The following PRDM16 variants were observed in gnomAD, a reference collection of about 807,000 sequenced individuals.
PRDM16 encodes the protein PR/SET domain 16, also known as histone-lysine N-methyltransferase PRDM16.
PRDM16 carries 23 observed loss-of-function variants against 110.6 expected under a neutral mutation model. The observed-to-expected ratio is 0.21, with a 90% CI of 0.15 to 0.29. The LOEUF is 0.29. Ranked by LOEUF, PRDM16 falls within the 10% of genes least tolerant of loss-of-function variation. The pLI is 1.00. For missense variants in PRDM16, 1,615 were observed against 1,794.3 expected, an observed-to-expected ratio of 0.90 and a Z score of 1.81; for synonymous variants, 799 against 781.8, an observed-to-expected ratio of 1.02 and a Z score of -0.37.
chr1:3,147,883 C>A (rs528355850), intron 1 of PRDM16, among the ~76,000 whole-genome samples: 1 of 152,266 alleles, frequency 6.6e-6, no homozygotes, highest in African/African-American at 2.4e-5. Flanking sequence ...CTCGCCCCAG[C>A]CAGAGCAGAG....
At position 3,290,436 on chromosome 1, in the gene PRDM16, C is replaced by T. The variant is rs1443829548; in HGVS notation, c.438+46299C>T. Reference sequence around the variant, plus strand: ...TTCCCCAAAGAGCCTGCTGCCTCCACCTGCTGTGTTCGAAGCGGTGATTTT... The same window carrying T: ...TTCCCCAAAGAGCCTGCTGCCTCCATCTGCTGTGTTCGAAGCGGTGATTTT... On this transcript the variant is annotated intron_variant, in intron 3 of 16. Transcript: ENST00000270722. This position sits in a 1 kb window ranked among gnomAD's most constrained non-coding sequence, Gnocchi z 4.8. 1.3e-5 allele frequency among the ~76,000 whole-genome samples: 2 copies of T among 152,202 alleles called. No individual in the cohort carries two copies. Among genetic ancestry groups the T allele is most frequent in the Non-Finnish European group, 2.9e-5 (2 of 68,040 alleles).
At chr1:3,257,804 G>A (rs1640083719) in intron 3 of PRDM16, among the ~76,000 whole-genome samples, 2 of 152,222 alleles carry the variant, frequency 1.3e-5, no homozygotes, top group African/African-American at 2.4e-5. Context: ...AGCCCGCACA[G>A]TCGGAGGGCT....
Position 3,411,367 on chromosome 1 carries a change from T to G in PRDM16, c.1187-17T>G, listed in dbSNP as rs767218295. On this transcript the variant is annotated splice_polypyrimidine_tract_variant and intron_variant, in intron 8 of 16. Coordinates refer to ENST00000270722, the MANE Select transcript of PRDM16 (RefSeq NM_022114.4). ...TCATTTCATGCGGGTTTGTCTTGGC[T>G]TCTGCTGATGTTTTAGGTGAGGTCT... The G allele has an allele frequency of 2.5e-6, 4 of 1,592,060 alleles. No individual in the cohort carries two copies. In the South Asian group the frequency reaches 4.4e-5, roughly 18 times the overall value.
At chr1:3,154,464 C>A (rs146662543) in intron 1 of PRDM16, among the ~76,000 whole-genome samples, 194 of 152,254 alleles carry the variant, frequency 1.3e-3, no homozygotes, top group African/African-American at 4.1e-3. Flanking sequence ...CAAGGGCTTC[C>A]CAGGGGCTGC....
intron 3 of PRDM16, among the ~76,000 whole-genome samples, chr1:3,318,776 A>G (rs933859453): frequency 2.6e-5 from 4 of 152,180 alleles, no homozygotes; most frequent in Non-Finnish European, 5.9e-5. Context: ...CATCATCTGG[A>G]TGACTAAGGC....
chr1:3,283,833 C>T (rs1041629523), intron 3 of PRDM16, among the ~76,000 whole-genome samples: 1 of 152,244 alleles, frequency 6.6e-6, no homozygotes, highest in African/African-American at 2.4e-5. Flanking sequence ...GTTGCGGCCA[C>T]ACAGCCTCCC....
intron 2 of PRDM16, among the ~76,000 whole-genome samples, chr1:3,187,433 T>C (rs894668629): frequency 1.3e-5 from 2 of 151,964 alleles, no homozygotes; most frequent in Non-Finnish European, 2.9e-5. Context: ...CCCAGACGGG[T>C]GGGGGCAGGG....
At chr1:3,085,268 A>C (rs1226267461) in intron 1 of PRDM16, among the ~76,000 whole-genome samples, 2 of 152,208 alleles carry the variant, frequency 1.3e-5, no homozygotes, top group Non-Finnish European at 2.9e-5. Flanking sequence ...AGAGTTTCCT[A>C]GAGCCACGGC....
chr1:3,276,480 A>G (rs1374982073), intron 3 of PRDM16, among the ~76,000 whole-genome samples: 2 of 152,274 alleles, frequency 1.3e-5, no homozygotes, highest in African/African-American at 4.8e-5. Context: ...TCATACCTAC[A>G]TGAAGTCAGC....
chr1:3,195,994 G>A (rs192771788), intron 2 of PRDM16, among the ~76,000 whole-genome samples: 148 of 152,322 alleles, frequency 9.7e-4, no homozygotes, highest in African/African-American at 3.2e-3. Context: ...AGCCACCCTC[G>A]CTCTGACAGG....
chr1:3,398,063 CA>C (rs1446071802), intron 5 of PRDM16, among the ~76,000 whole-genome samples: 4 of 152,154 alleles, frequency 2.6e-5, no homozygotes, highest in African/African-American at 9.7e-5. Flanking sequence ...ATCTGGATAG[CA>C]GGGGGGAGGG....
In PRDM16 at chr1:3,339,654, G is replaced by A. The variant is rs560205295; in HGVS notation, c.439-45498G>A. The stretch of plus-strand genomic sequence containing the variant: ...CTCGTGAAGGTGACAGTCCTACTGC[G>A]GACCCCTGGCTGCATTGTGTGTGTG... On this transcript the variant is annotated intron_variant, in intron 3 of 16. Coordinates refer to ENST00000270722, the MANE Select transcript of PRDM16 (RefSeq NM_022114.4). The surrounding 1 kb of genome is among the most constrained non-coding windows in gnomAD (Gnocchi z 5.0). 2.6e-4 allele frequency among the ~76,000 whole-genome samples: 39 copies of A among 152,214 alleles called. No homozygotes were observed. Among genetic ancestry groups the A allele is most frequent in the African/African-American group, 6.7e-4 (28 of 41,526 alleles).
chr1:3,263,079 C>T (rs1640200083), intron 3 of PRDM16, among the ~76,000 whole-genome samples: 1 of 152,100 alleles, frequency 6.6e-6, no homozygotes, highest in African/African-American at 2.4e-5. Context: ...GGTGATGGCT[C>T]AGTGTGTACC....
At chr1:3,250,240 G>A (rs1279632331) in intron 3 of PRDM16, among the ~76,000 whole-genome samples, 2 of 151,932 alleles carry the variant, frequency 1.3e-5, no homozygotes, top group Admixed American at 6.6e-5. Flanking sequence ...GGGAGGGGCC[G>A]CAGCCACAGC....
chr1:3,341,398 G>T (rs1211435422), intron 3 of PRDM16, among the ~76,000 whole-genome samples: 1 of 152,170 alleles, frequency 6.6e-6, no homozygotes, highest in Non-Finnish European at 1.5e-5. Flanking sequence ...GGGGAAGCAA[G>T]GGGGGCAACC....
At chr1:3,306,496 C>G (rs1298049498) in intron 3 of PRDM16, 1 of 152,210 alleles carries the variant, frequency 6.6e-6, no homozygotes, top group East Asian at 1.9e-4. Flanking sequence ...GACACAGCCA[C>G]GTGGACACAG....
rs555950367 is a variant in PRDM16, at chr1:3,153,905, C to T, written c.38-32220C>T. Among the ~76,000 whole-genome samples, 94 of 152,340 alleles carry T rather than the reference C, an allele frequency of 6.2e-4. 1 individual carries two copies. Among genetic ancestry groups the T allele is most frequent in the Non-Finnish European group, 1.2e-3 (85 of 68,040 alleles). ...ATGCAAATTAATACGTGCATATCTA[C>T]GTAGAGATCCAACTTTTGATTTCAC... is the stretch of plus-strand genomic sequence containing the variant. On this transcript the variant is annotated intron_variant, in intron 1 of 16. Transcript: ENST00000270722.
chr1:3,264,060 T>C (rs1640229911), intron 3 of PRDM16, among the ~76,000 whole-genome samples: 1 of 152,048 alleles, frequency 6.6e-6, no homozygotes, highest in South Asian at 2.1e-4. Flanking sequence ...TTAGGGAGCA[T>C]AGGTTTCCAA....
intron 1 of PRDM16, among the ~76,000 whole-genome samples, chr1:3,168,855 T>C (rs1383887595): frequency 1.3e-5 from 2 of 152,184 alleles, no homozygotes; most frequent in African/African-American, 4.8e-5. Flanking sequence ...GTCGTTCCAC[T>C]TCTGCAGATG....
Sources: gnomAD v4.1 joint callset for allele counts (sites outside exome capture counted in the v4.1 genomes callset) on GRCh38, gnomAD v4.1.1 for gene constraint, Gnocchi (gnomAD v3.1) non-coding constraint, MANE v1.5 for transcripts, NCBI Gene and HGNC (gene_info 2026-07-23, HGNC 2026-07-21) for gene names.